SWAP70: variants seen among roughly 807,000 people sequenced by gnomAD.
The protein encoded by SWAP70 is switching B cell complex subunit SWAP70, also known as switch-associated protein 70.
A neutral mutation model predicts 80.2 loss-of-function variants in SWAP70; 34 were observed. That is an observed-to-expected ratio of 0.42 (90% confidence interval 0.32 to 0.56). The LOEUF (loss-of-function observed/expected upper bound fraction) is 0.56. Ranked by LOEUF, SWAP70 falls within the 20% of genes least tolerant of loss-of-function variation. The pLI, the probability that SWAP70 is intolerant of heterozygous loss-of-function variation, is 0.09. For missense variants in SWAP70, 578 were observed against 690.7 expected (o/e 0.84, Z 1.83); for synonymous variants, 239 against 238.5 (o/e 1.00, Z -0.02).
rs955409911 is a variant in SWAP70 at position 9,739,223 on chromosome 11, A to G, written c.1188+903A>G. Among the ~76,000 whole-genome samples the G allele has an allele frequency of 2.0e-5, 3 of 152,332 alleles. No homozygotes were observed. The South Asian group carries it at 6.2e-4, about 32-fold the overall frequency. The stretch of plus-strand genomic sequence containing the variant: ...GTAGTTAGCTGGTTAGCTGGAACAC[A>G]GGTCTTCTCACATTGAGTGATACTC... On this transcript the variant is annotated intron_variant, in intron 8 of 11. Transcript: ENST00000318950.
chr11:9,698,301 A>G (rs1850787347), intron 2 of SWAP70, among the ~76,000 whole-genome samples: 1 of 151,872 alleles, frequency 6.6e-6, no homozygotes, highest in Non-Finnish European at 1.5e-5. Flanking sequence ...GGGTTTTACC[A>G]TGTTGGCCAG....
intron 6 of SWAP70, among the ~76,000 whole-genome samples, chr11:9,732,287 T>A (rs531423168): frequency 1.3e-5 from 2 of 152,142 alleles, no homozygotes; most frequent in Non-Finnish European, 2.9e-5. Context: ...ATCATCTCTC[T>A]CATTTTAAAG....
At chr11:9,704,384 TTTTTATTATTTTA>T (rs1850873070) in intron 2 of SWAP70, among the ~76,000 whole-genome samples, 1 of 144,034 alleles carries the variant, frequency 6.9e-6, no homozygotes, top group Admixed American at 6.9e-5. Context: ...TTTTTTTTAA[TTTTTATTATTTTA>T]TTTTATTTTA....
In SWAP70 at chr11:9,681,855, C is replaced by T. The variant is rs1850571871; in HGVS notation, c.100-12291C>T. On this transcript the variant is annotated intron_variant, in intron 1 of 11. Coordinates refer to ENST00000318950, the MANE Select transcript of SWAP70 (RefSeq NM_015055.4). Reference sequence around the variant, plus strand: ...CTTGAAAAGGATGTATGAAATTCCCCTGTGAGAATACTATGATGAAAGATT... The same window carrying T: ...CTTGAAAAGGATGTATGAAATTCCCTTGTGAGAATACTATGATGAAAGATT... Among the ~76,000 whole-genome samples the T allele has an allele frequency of 2.0e-5, 3 of 152,266 alleles. No individual in the cohort carries two copies. In the South Asian group the frequency reaches 6.2e-4, roughly 32 times the overall value.
chr11:9,707,874 ATT>A (rs34435881), intron 2 of SWAP70, among the ~76,000 whole-genome samples: 2 of 146,670 alleles, frequency 1.4e-5, no homozygotes, highest in Non-Finnish European at 3.0e-5. Context: ...CTTTTAAAAA[ATT>A]TAAAAAAAAA....
chr11:9,748,653 G>A (rs1489748472), intron 10 of SWAP70, among the ~76,000 whole-genome samples: 1 of 152,166 alleles, frequency 6.6e-6, no homozygotes. Flanking sequence ...CTCCCTCCTC[G>A]TGTCCCTTCA....
chr11:9,726,907 G>T (rs1851232193), intron 4 of SWAP70: 1 of 456,130 alleles, frequency 2.2e-6, no homozygotes. Flanking sequence ...TTTCCTGTTG[G>T]TCTGGGGCAG....
chr11:9,668,533 T>A (rs1328983272), intron 1 of SWAP70, among the ~76,000 whole-genome samples: 1 of 152,232 alleles, frequency 6.6e-6, no homozygotes, highest in Non-Finnish European at 1.5e-5. Flanking sequence ...CTGTGTTCTG[T>A]TGGCTGGGAG....
At chr11:9,682,379 A>G (rs1850578547) in intron 1 of SWAP70, among the ~76,000 whole-genome samples, 1 of 152,234 alleles carries the variant, frequency 6.6e-6, no homozygotes, top group Non-Finnish European at 1.5e-5. Context: ...CAAAGTCAGA[A>G]TCAGGGTGGC....
chr11:9,748,589 G>C (rs1851542302), intron 10 of SWAP70, among the ~76,000 whole-genome samples: 1 of 152,256 alleles, frequency 6.6e-6, no homozygotes, highest in African/African-American at 2.4e-5. Context: ...GGTGAGCACT[G>C]TGGGTGTTCT....
chr11:9,669,384 C>T (rs1000408549), intron 1 of SWAP70, among the ~76,000 whole-genome samples: 5 of 152,174 alleles, frequency 3.3e-5, no homozygotes, highest in African/African-American at 1.2e-4. Flanking sequence ...TGTGCACCAC[C>T]ATGTCTCGCT....
At chr11:9,711,261 C>T (rs1850994435) in intron 2 of SWAP70, among the ~76,000 whole-genome samples, 1 of 151,982 alleles carries the variant, frequency 6.6e-6, no homozygotes, top group African/African-American at 2.4e-5. Flanking sequence ...TCTGTTACTA[C>T]CTTCAACTCT....
At chr11:9,681,783 A>C (rs1850571191) in intron 1 of SWAP70, among the ~76,000 whole-genome samples, 1 of 152,204 alleles carries the variant, frequency 6.6e-6, no homozygotes, top group Non-Finnish European at 1.5e-5. Context: ...GGACATGAGG[A>C]GTTAGCTCAG....
At chr11:9,717,363 C>G (rs146527322) in intron 3 of SWAP70, among the ~76,000 whole-genome samples, 1 of 152,198 alleles carries the variant, frequency 6.6e-6, no homozygotes, top group African/African-American at 2.4e-5. Flanking sequence ...GCTAAGTGTG[C>G]TGGCTCAAGC....
chr11:9,705,415 C>T (rs61878114), intron 2 of SWAP70, among the ~76,000 whole-genome samples: 11 of 100,600 alleles, frequency 1.1e-4, no homozygotes, highest in South Asian at 3.0e-4. Flanking sequence ...GATCTGTGTA[C>T]ACTTGGTGAT....
chr11:9,684,603 T>C (rs1320850980), intron 1 of SWAP70, among the ~76,000 whole-genome samples: 1 of 152,176 alleles, frequency 6.6e-6, no homozygotes. Flanking sequence ...CTCTACTAGA[T>C]CTCAGGCCAG....
intron 1 of SWAP70, among the ~76,000 whole-genome samples, chr11:9,668,757 T>C (rs1417121003): frequency 1.3e-5 from 2 of 152,240 alleles, no homozygotes; most frequent in Non-Finnish European, 2.9e-5. Flanking sequence ...TAAAATGTAT[T>C]GCTTTGGAAA....
chr11:9,702,229 T>C (rs1850842248), intron 2 of SWAP70, among the ~76,000 whole-genome samples: 2 of 152,098 alleles, frequency 1.3e-5, no homozygotes, highest in Admixed American at 6.6e-5. Context: ...GTTAATGAAA[T>C]GACTCCCTTC....
At chr11:9,673,527 A>G (rs1048174239) in intron 1 of SWAP70, among the ~76,000 whole-genome samples, 1 of 152,170 alleles carries the variant, frequency 6.6e-6, no homozygotes, top group Non-Finnish European at 1.5e-5. Context: ...AGTCATGATT[A>G]AAGTACAGAC....
Sources: gnomAD v4.1 joint callset for allele counts (sites outside exome capture counted in the v4.1 genomes callset) on GRCh38, gnomAD v4.1.1 for gene constraint, MANE v1.5 for transcripts, NCBI Gene and HGNC (gene_info 2026-07-23, HGNC 2026-07-21) for gene names.